The following ASIC2 variants were observed in gnomAD, a reference collection of about 807,000 sequenced individuals.
The protein encoded by ASIC2 is acid-sensing ion channel 2.
A neutral mutation model predicts 57.3 loss-of-function variants in ASIC2; 25 were observed. The observed-to-expected ratio is 0.44, with a 90% CI of 0.32 to 0.61. The LOEUF is 0.61. ASIC2 is among the 20% of genes least tolerant of loss of function. The probability of loss-of-function intolerance (pLI) is 0.06; values close to 1 mark genes in which losing one functional copy is unlikely to be tolerated. For synonymous variants in ASIC2, 319 were observed against 307.5 expected, an observed-to-expected ratio of 1.04 and a Z score of -0.39; for missense variants, 641 against 738.1, an observed-to-expected ratio of 0.87 and a Z score of 1.52.
intron 1 of ASIC2, among the ~76,000 whole-genome samples, chr17:33,493,877 T>G (rs1913843387): frequency 1.3e-5 from 2 of 152,170 alleles, no homozygotes; most frequent in Admixed American, 6.5e-5. Context: ...CTGATTAGTA[T>G]CAACAGTGCT....
chr17:33,725,731 CCT>C (rs1491128217), intron 1 of ASIC2, among the ~76,000 whole-genome samples: 9 of 147,302 alleles, frequency 6.1e-5, no homozygotes, highest in East Asian at 2.1e-4. Flanking sequence ...ACCCCCCCCC[CCT>C]TTTTTTATGC....
intron 1 of ASIC2, among the ~76,000 whole-genome samples, chr17:33,708,818 G>C (rs561010267): frequency 3.3e-5 from 5 of 152,258 alleles, no homozygotes. Context: ...AGATCTCAAT[G>C]ATCCTTTACC....
chr17:33,044,965 C>A, intron 3 of ASIC2, among the ~76,000 whole-genome samples: 1 of 152,028 alleles, frequency 6.6e-6, no homozygotes, highest in Non-Finnish European at 1.5e-5. Context: ...GAAATGTGTT[C>A]TGGGTAGAGG....
intron 1 of ASIC2, chr17:34,041,363 CAG>C (rs746931540): frequency 8.5e-5 from 13 of 152,212 alleles, no homozygotes; most frequent in Non-Finnish European, 1.5e-4. Context: ...AGCCTCTCCA[CAG>C]AGTCCTCAAA....
At chr17:33,739,365 C>G (rs993079427) in intron 1 of ASIC2, among the ~76,000 whole-genome samples, 2 of 152,216 alleles carry the variant, frequency 1.3e-5, no homozygotes, top group African/African-American at 2.4e-5. Context: ...AAGCTGCATT[C>G]AGGTCTCAGC....
intron 1 of ASIC2, among the ~76,000 whole-genome samples, chr17:33,817,697 C>T (rs1912627261): frequency 6.6e-6 from 1 of 152,148 alleles, no homozygotes; most frequent in South Asian, 2.1e-4. Context: ...TGGCTTAATA[C>T]AACCATATTT....
rs544699673 is a variant in ASIC2 at position 33,356,842 on chromosome 17, G to A, written c.556-244775C>T. Among the ~76,000 whole-genome samples, 3 of 152,136 alleles carry A rather than the reference G, an allele frequency of 2.0e-5. No individual in the cohort carries two copies. The South Asian group carries it at 6.2e-4, about 32-fold the overall frequency. On this transcript the variant is annotated intron_variant, in intron 1 of 9. Coordinates refer to the ASIC2 transcript ENST00000359872. ...GCTTAGGGATCCAAGGGGATGCTGG[G>A]GGTGTGTGTCTGTTGCTCACTGCTG...
At chr17:33,965,374 T>A (rs1018869826) in intron 1 of ASIC2, among the ~76,000 whole-genome samples, 1 of 152,090 alleles carries the variant, frequency 6.6e-6, no homozygotes, top group Non-Finnish European at 1.5e-5. Context: ...GCATGGAGAA[T>A]AAACATGAAG....
chr17:33,859,534 G>A (rs2141922679), intron 1 of ASIC2, among the ~76,000 whole-genome samples: 1 of 152,342 alleles, frequency 6.6e-6, no homozygotes, highest in African/African-American at 2.4e-5. Context: ...CAGAACTTAT[G>A]TGTAGAGTGA....
intron 1 of ASIC2, among the ~76,000 whole-genome samples, chr17:33,142,092 TTC>T (rs1904339468): frequency 6.6e-6 from 1 of 152,224 alleles, no homozygotes; most frequent in Admixed American, 6.5e-5. Context: ...CAGGAGTTTG[TTC>T]TCTGTTGCTT....
At chr17:33,931,060 T>G (rs902641587) in intron 1 of ASIC2, 1 of 152,208 alleles carries the variant, frequency 6.6e-6, no homozygotes, top group Non-Finnish European at 1.5e-5. Context: ...CTGGGACTGA[T>G]GCAGTTTTAC....
intron 1 of ASIC2, among the ~76,000 whole-genome samples, chr17:33,186,331 G>A (rs367625180): frequency 2.0e-5 from 3 of 152,142 alleles, no homozygotes; most frequent in African/African-American, 2.4e-5. Context: ...GGCTGGTCTC[G>A]AATTCTTGAC....
chr17:33,367,213 G>A (rs1441872260), intron 1 of ASIC2, among the ~76,000 whole-genome samples: 3 of 152,216 alleles, frequency 2.0e-5, no homozygotes. Context: ...GATGGATTGA[G>A]CTGGGAGGGA....
chr17:33,476,321 A>G (rs957729216), intron 1 of ASIC2, among the ~76,000 whole-genome samples: 1 of 152,142 alleles, frequency 6.6e-6, no homozygotes, highest in African/African-American at 2.4e-5. Flanking sequence ...TGACATGTCT[A>G]GCTCTATTTC....
rs539043741 is a variant in ASIC2, at chr17:33,461,732, C to T, written c.556-349665G>A. Among the ~76,000 whole-genome samples, 4 of 152,280 alleles carry T rather than the reference C, an allele frequency of 2.6e-5. No individual in the cohort carries two copies. In the East Asian group the frequency reaches 7.7e-4, roughly 29 times the overall value. On this transcript the variant is annotated intron_variant, in intron 1 of 9. Coordinates refer to the ASIC2 transcript ENST00000359872. Reference sequence around the variant, plus strand: ...TATCTACAGGGGTAATACCCACCCCCTCCACAGCCATTCTCTACCCCTTCC... The same window carrying T: ...TATCTACAGGGGTAATACCCACCCCTTCCACAGCCATTCTCTACCCCTTCC...
chr17:33,839,193 T>C (rs1006841350), intron 1 of ASIC2, among the ~76,000 whole-genome samples: 4 of 152,100 alleles, frequency 2.6e-5, no homozygotes, highest in African/African-American at 9.7e-5. Flanking sequence ...CATCTAAGAG[T>C]GTCCAACTTC....
chr17:33,559,358 A>G (rs1190472611), intron 1 of ASIC2, among the ~76,000 whole-genome samples: 4 of 152,138 alleles, frequency 2.6e-5, no homozygotes, highest in Middle Eastern at 3.2e-3. Context: ...AGTAGTCTCA[A>G]AATCTGATTC....
chr17:33,732,585 G>A (rs555283228), intron 1 of ASIC2, among the ~76,000 whole-genome samples: 90 of 146,422 alleles, frequency 6.1e-4, no homozygotes, highest in Non-Finnish European at 9.5e-4. Context: ...TGCAAGCTCC[G>A]CCCCCGGATT....
rs1909403689 is a variant in ASIC2 at position 33,379,549 on chromosome 17, C to T, written c.556-267482G>A. Among the ~76,000 whole-genome samples, 4 of 152,172 alleles carry T rather than the reference C, an allele frequency of 2.6e-5. No homozygotes were observed. In the South Asian group the frequency reaches 8.3e-4, roughly 32 times the overall value. On this transcript the variant is annotated intron_variant, in intron 1 of 9. Coordinates refer to the ASIC2 transcript ENST00000359872. ...GTATTTTCTGAGGGCTTCTGTTTCG[C>T]TCTTCAAACCTCACACTCACACCTT...
Sources: allele counts gnomAD v4.1 joint callset (sites outside exome capture counted in the v4.1 genomes callset), GRCh38; gene constraint gnomAD v4.1.1; transcripts MANE v1.5; gene names NCBI Gene and HGNC (gene_info 2026-07-23, HGNC 2026-07-21).